Variants in DEPDC5 observed in about 807,000 individuals in gnomAD.
DEPDC5 encodes the protein DEP domain containing 5, GATOR1 subcomplex subunit.
Under a neutral mutation model 217.3 loss-of-function variants are expected in DEPDC5, and 73 were observed. The observed-to-expected ratio is 0.34, with a 90% CI of 0.28 to 0.41. The LOEUF is 0.41. DEPDC5 is among the 10% of genes least tolerant of loss of function. The pLI, the probability that DEPDC5 is intolerant of heterozygous loss-of-function variation, is 1.00. For missense variants in DEPDC5, 1,675 were observed against 2,070.1 expected, an observed-to-expected ratio of 0.81 and a Z score of 3.70; for synonymous variants, 733 against 756.7, an observed-to-expected ratio of 0.97 and a Z score of 0.51.
intron 24 of DEPDC5, among the ~76,000 whole-genome samples, chr22:31,827,330 A>C (rs2090232757): frequency 2.0e-5 from 3 of 152,212 alleles, no homozygotes. Context: ...AAAATTATTC[A>C]AATTTTTATA....
At chr22:31,828,766 A>T (rs1275708436) in intron 24 of DEPDC5, among the ~76,000 whole-genome samples, 1 of 152,212 alleles carries the variant, frequency 6.6e-6, no homozygotes, top group Non-Finnish European at 1.5e-5. Flanking sequence ...AACTCTAGGC[A>T]CTGTGCTAAG....
chr22:31,798,350 T>C (rs1405551382), intron 13 of DEPDC5, among the ~76,000 whole-genome samples: 1 of 152,070 alleles, frequency 6.6e-6, no homozygotes, highest in Non-Finnish European at 1.5e-5. Flanking sequence ...AAACCCTGTC[T>C]CTACTAAAAA....
At chr22:31,791,650 T>C (rs11089527) in intron 10 of DEPDC5, among the ~76,000 whole-genome samples, 46,439 of 129,418 alleles carry the variant, frequency 0.36, 8,909 homozygotes, top group African/African-American at 0.57. Context: ...AAAAAAGGGC[T>C]GGGCACAGTG....
At chr22:31,828,542 C>T (rs1242713020) in intron 24 of DEPDC5, among the ~76,000 whole-genome samples, 1 of 151,268 alleles carries the variant, frequency 6.6e-6, no homozygotes, top group Non-Finnish European at 1.5e-5. Flanking sequence ...TTTCTCTCTA[C>T]TGAAGCATGA....
intron 31 of DEPDC5, among the ~76,000 whole-genome samples, chr22:31,850,588 A>G (rs2091971199): frequency 1.3e-5 from 2 of 152,218 alleles, no homozygotes; most frequent in Non-Finnish European, 2.9e-5. Flanking sequence ...ATCTTGGAAC[A>G]TATACCCCTC....
intron 38 of DEPDC5, among the ~76,000 whole-genome samples, chr22:31,887,190 G>A (rs2149341719): frequency 6.6e-6 from 1 of 151,906 alleles, no homozygotes; most frequent in Non-Finnish European, 1.5e-5. Context: ...AGGCCGAGGT[G>A]GGTGGATCAC....
In DEPDC5 at chr22:31,804,153, T is replaced by A. The variant is rs756594975; in HGVS notation, c.1082-9T>A. 1 of 1,613,644 alleles carries A rather than the reference T, an allele frequency of 6.2e-7. No homozygotes were observed. The highest frequency in any genetic ancestry group is 8.5e-7 in the Non-Finnish European group (1 of 1,179,610). ...TCCCCACAATTCTTTTTGTCTTTTC[T>A]TTTTTTAGGAATTGGTGTGGATTTG... On this transcript the variant is annotated splice_polypyrimidine_tract_variant and intron_variant, in intron 15 of 42. Transcript: ENST00000651528.
intron 31 of DEPDC5, among the ~76,000 whole-genome samples, chr22:31,856,155 G>GCACAAACA (rs2092286062): frequency 7.1e-6 from 1 of 140,570 alleles, no homozygotes; most frequent in Non-Finnish European, 1.5e-5. Flanking sequence ...GGGCCAACGC[G>GCACAAACA]CACACACACA....
chr22:31,815,278 G>A lies in DEPDC5; in HGVS notation c.1666+66G>A, dbSNP rs1039413980. ...CTTAATATAGTGGGTGACTGGAGGT[G>A]GGAGGATTGGTCAGAGGTGGGGTGT... On this transcript the variant is annotated intron_variant, in intron 21 of 42. Transcript: ENST00000651528. 12 of 1,565,812 alleles carry A rather than the reference G, an allele frequency of 7.7e-6. No individual in the cohort carries two copies. The African/African-American group carries it at 1.2e-4, about 16-fold the overall frequency.
chr22:31,843,613 T>C, intron 28 of DEPDC5, 32 bp from the exon 29 acceptor site: 1 of 1,578,894 alleles, frequency 6.3e-7, no homozygotes, highest in Non-Finnish European at 8.7e-7. Context: ...TCTAACTCTT[T>C]TGAATTTGGG....
chr22:31,884,077 A>G (rs187173017), intron 38 of DEPDC5, among the ~76,000 whole-genome samples: 2 of 152,226 alleles, frequency 1.3e-5, no homozygotes, highest in Admixed American at 6.5e-5. Context: ...AAACCTCATT[A>G]CACAGCTTTG....
chr22:31,803,724 G>T (rs1332786839), intron 15 of DEPDC5, among the ~76,000 whole-genome samples: 1 of 151,980 alleles, frequency 6.6e-6, no homozygotes, highest in Admixed American at 6.6e-5. Context: ...TGTCAGCCTG[G>T]GCAGCAGAGC....
chr22:31,906,729 C>T lies in DEPDC5; in HGVS notation c.*232C>T, dbSNP rs774593420. The T allele has an allele frequency of 9.9e-6, 6 of 607,518 alleles. No individual in the cohort carries two copies. The highest frequency in any genetic ancestry group is 1.7e-5 in the Non-Finnish European group (6 of 348,806). The allele number at this position is 607,518 out of a possible 1,614,324, so 37.6% of individuals were successfully genotyped here. The stretch of plus-strand genomic sequence containing the variant: ...GCAGCTGCTGCTGCTGCCACCACTC[C>T]TGTCAGCAAGTGCTCAGAGCAGGTG... On this transcript the variant is annotated 3_prime_UTR_variant, in exon 43 of 43. Coordinates refer to ENST00000651528, the MANE Select transcript of DEPDC5 (RefSeq NM_001242896.3). The surrounding 1 kb of genome is among the most constrained non-coding windows in gnomAD (Gnocchi z 5.1).
intron 31 of DEPDC5, among the ~76,000 whole-genome samples, chr22:31,851,720 A>G (rs964774678): frequency 6.6e-6 from 1 of 152,198 alleles, no homozygotes; most frequent in Admixed American, 6.5e-5. Context: ...ACTGTATGGT[A>G]TGAGGGTCTG....
intron 3 of DEPDC5, 26 bp from the exon 4 acceptor site, chr22:31,760,629 CA>C (rs2082310692): frequency 1.9e-6 from 3 of 1,607,228 alleles, no homozygotes; most frequent in Non-Finnish European, 2.5e-6. Flanking sequence ...CACGGTATCC[CA>C]ACTCTCTTGT....
At chr22:31,879,911 G>A (rs918386591) in intron 38 of DEPDC5, 159 bp downstream of exon 38, 1 of 699,792 alleles carries the variant, frequency 1.4e-6, no homozygotes, top group Non-Finnish European at 2.4e-6. Flanking sequence ...CTCCGTTGCT[G>A]ACTTCCACTT....
At chr22:31,768,171 G>A (rs553561863) in intron 6 of DEPDC5, among the ~76,000 whole-genome samples, 3 of 150,668 alleles carry the variant, frequency 2.0e-5, no homozygotes, top group Admixed American at 1.3e-4. Context: ...ATGGTGATTC[G>A]TGAGATTTTG....
chr22:31,887,867 G>C (rs1027405138), intron 38 of DEPDC5, among the ~76,000 whole-genome samples: 1 of 151,994 alleles, frequency 6.6e-6, no homozygotes, highest in African/African-American at 2.4e-5. Context: ...GGGAAGATCT[G>C]TTTTCTTTAA....
At position 31,893,645 on chromosome 22, in the gene DEPDC5, G is replaced by A. The variant is rs1064795095; in HGVS notation, c.4097G>A (p.Arg1366Gln). 7.4e-6 allele frequency: 12 copies of A among 1,613,780 alleles called. No individual in the cohort carries two copies. Among genetic ancestry groups the A allele is most frequent in the East Asian group, 2.2e-5 (1 of 44,864 alleles). The change falls in exon 39 of 43, where the codon CGG (arginine) becomes CAG (glutamine). Residue 1366 changes from arginine to glutamine, a missense_variant. Arg to Gln is a conservative substitution (Grantham distance 43). Transcript: ENST00000651528. ...GTTGACGTGAACAACCGCACAGACC[G>A]GCTGGAGTGGTGCAGCTGTTATTAC... ...LDVDVNNRTD[R>Q]LEWCSCYYHG... is the part of the protein sequence containing the mutation.
Sources: allele counts gnomAD v4.1 joint callset (sites outside exome capture counted in the v4.1 genomes callset), GRCh38; gene constraint gnomAD v4.1.1; non-coding constraint Gnocchi (gnomAD v3.1); transcripts MANE v1.5; gene names NCBI Gene and HGNC (gene_info 2026-07-23, HGNC 2026-07-21).